Variants in ZBTB46 observed in about 807,000 individuals in gnomAD.
The protein encoded by ZBTB46 is zinc finger and BTB domain-containing protein 46.
Under a neutral mutation model 44.1 loss-of-function variants are expected in ZBTB46, and 8 were observed. The ratio of observed to expected loss-of-function variants is 0.18; its 90% CI spans 0.11 to 0.33. The LOEUF (loss-of-function observed/expected upper bound fraction) is 0.33. Ranked by LOEUF, ZBTB46 falls within the 10% of genes least tolerant of loss-of-function variation. ZBTB46 has a pLI of 1.00. For missense variants in ZBTB46, 651 were observed against 847.7 expected (o/e 0.77, Z 2.88); for synonymous variants, 409 against 382.3 (o/e 1.07, Z -0.81).
At chr20:63,830,462 C>A (rs1250414629) in intron 1 of ZBTB46, among the ~76,000 whole-genome samples, 1 of 150,786 alleles carries the variant, frequency 6.6e-6, no homozygotes, top group Admixed American at 6.6e-5. Context: ...CGCCCCGGTT[C>A]GGCCGGCGAT....
intron 3 of ZBTB46, among the ~76,000 whole-genome samples, chr20:63,770,486 GTTTAA>G (rs1442189680): frequency 3.3e-5 from 5 of 152,190 alleles, no homozygotes; most frequent in African/African-American, 9.7e-5. Context: ...ACTGCCATCT[GTTTAA>G]TTTAACAGCC....
At chr20:63,750,134 G>C (rs184473065) in intron 4 of ZBTB46, among the ~76,000 whole-genome samples, 1 of 152,318 alleles carries the variant, frequency 6.6e-6, no homozygotes, top group African/African-American at 2.4e-5. Context: ...AGGCTGGACC[G>C]GCTAGAGCTG....
chr20:63,827,350 G>A (rs1050007137), intron 1 of ZBTB46, among the ~76,000 whole-genome samples: 1 of 152,170 alleles, frequency 6.6e-6, no homozygotes, highest in African/African-American at 2.4e-5. Flanking sequence ...GCTCACGCCT[G>A]TAATCCCAGC....
Position 63,747,060 on chromosome 20 carries a change from T to A in ZBTB46, c.1640A>T (p.Glu547Val), listed in dbSNP as rs2092098023. The change falls in exon 5 of 5, where the codon GAG (glutamate) becomes GTG (valine). Residue 547 changes from glutamate to valine, a missense_variant. Glu to Val is a moderately radical substitution (Grantham distance 121). This residue lies in a region of ZBTB46 where 106 missense variants were observed against 81.0 expected (regional missense o/e 1.31). Coordinates refer to ENST00000245663, the MANE Select transcript of ZBTB46 (RefSeq NM_001369741.1). Reference sequence around the variant, plus strand: ...CAGGCCCTCGTCGTCCTCGCCCAGCTCCTCCGCCTCCCCTCGTGGGTCCTC... The same window carrying A: ...CAGGCCCTCGTCGTCCTCGCCCAGCACCTCCGCCTCCCCTCGTGGGTCCTC... ...DPEDPRGEAE[E>V]LGEDDEGLAP... 6.2e-7 allele frequency: 1 copy of A among 1,608,590 alleles called. No homozygotes were observed. The highest frequency in any genetic ancestry group is 1.7e-5 in the Admixed American group (1 of 59,972).
rs1037405135 is a variant in ZBTB46, at chr20:63,765,935, G to A, written c.1222+9743C>T. ...GTTAACCAAACTCTTTCAGCAAAATGGTACGGAGAGAATCTCTACAACCAG... is the reference window on the plus strand; with the variant it reads ...GTTAACCAAACTCTTTCAGCAAAATAGTACGGAGAGAATCTCTACAACCAG... On this transcript the variant is annotated intron_variant, in intron 3 of 4. Coordinates refer to ENST00000245663, the MANE Select transcript of ZBTB46 (RefSeq NM_001369741.1). 2.0e-5 allele frequency among the ~76,000 whole-genome samples: 3 copies of A among 152,126 alleles called. No homozygotes were observed. In the East Asian group the frequency reaches 5.8e-4, roughly 29 times the overall value.
chr20:63,765,231 G>A (rs997650349), intron 3 of ZBTB46, among the ~76,000 whole-genome samples: 11 of 151,994 alleles, frequency 7.2e-5, no homozygotes, highest in African/African-American at 1.4e-4. Flanking sequence ...TCAAGTCCCG[G>A]CTCCTCTGGC....
In ZBTB46 at chr20:63,766,014, C is replaced by T. The variant is rs147702987; in HGVS notation, c.1222+9664G>A. 3.3e-3 allele frequency among the ~76,000 whole-genome samples: 506 copies of T among 152,134 alleles called. 2 individuals are homozygous for T. Among genetic ancestry groups the T allele is most frequent in the African/African-American group, 0.012 (483 of 41,488 alleles). Reference sequence around the variant, plus strand: ...TCTCCCCGCTGGGCCCACCTGCTGCCCACCCTGGAGAGCAAAAGGCAAAGC... The same window carrying T: ...TCTCCCCGCTGGGCCCACCTGCTGCTCACCCTGGAGAGCAAAAGGCAAAGC... On this transcript the variant is annotated intron_variant, in intron 3 of 4. Coordinates refer to ENST00000245663, the MANE Select transcript of ZBTB46 (RefSeq NM_001369741.1).
At chr20:63,782,197 A>ACCCCTGAG (rs71333714) in intron 2 of ZBTB46, among the ~76,000 whole-genome samples, 1 of 150,872 alleles carries the variant, frequency 6.6e-6, no homozygotes, top group African/African-American at 2.4e-5. Context: ...CCAGGCTGCA[A>ACCCCTGAG]CCCCCGAGCC....
chr20:63,758,898 A>AT (rs1394580013), intron 3 of ZBTB46, among the ~76,000 whole-genome samples: 16 of 76,308 alleles, frequency 2.1e-4, no homozygotes, highest in African/African-American at 8.7e-4. Flanking sequence ...CGCCCGGCTA[A>AT]TTTTTTTGAA....
At chr20:63,830,075 C>G (rs1371595289) in intron 1 of ZBTB46, among the ~76,000 whole-genome samples, 1 of 152,214 alleles carries the variant, frequency 6.6e-6, no homozygotes, top group African/African-American at 2.4e-5. Context: ...AAATTCGCTG[C>G]GAATCTCAAA....
intron 3 of ZBTB46, among the ~76,000 whole-genome samples, chr20:63,771,628 C>T (rs572767435): frequency 6.6e-6 from 1 of 152,266 alleles, no homozygotes; most frequent in Admixed American, 6.5e-5. Flanking sequence ...CCGGACCCCA[C>T]CTTCAGATCA....
chr20:63,783,536 C>G (rs941409763), intron 2 of ZBTB46, among the ~76,000 whole-genome samples: 4 of 152,234 alleles, frequency 2.6e-5, no homozygotes, highest in Non-Finnish European at 5.9e-5. Flanking sequence ...GTGTTATTGT[C>G]TCTGTCCCCG....
chr20:63,793,831 TTATA>T (rs2092580252), intron 1 of ZBTB46, among the ~76,000 whole-genome samples: 1 of 152,006 alleles, frequency 6.6e-6, no homozygotes, highest in Non-Finnish European at 1.5e-5. Flanking sequence ...TTAAAATCAG[TTATA>T]TACTCAGAGA....
At chr20:63,772,532 A>G (rs1179508745) in intron 3 of ZBTB46, among the ~76,000 whole-genome samples, 1 of 151,842 alleles carries the variant, frequency 6.6e-6, no homozygotes, top group African/African-American at 2.4e-5. Context: ...CAGCCTGGCC[A>G]ACATGGTGAA....
intron 1 of ZBTB46, among the ~76,000 whole-genome samples, chr20:63,812,871 G>A (rs971824358): frequency 2.6e-5 from 4 of 152,070 alleles, no homozygotes; most frequent in Non-Finnish European, 5.9e-5. Context: ...CAAGGCAGGT[G>A]GATCATGAGG....
intron 4 of ZBTB46, among the ~76,000 whole-genome samples, chr20:63,751,188 A>G (rs1221323117): frequency 7.4e-6 from 1 of 135,938 alleles, no homozygotes; most frequent in Non-Finnish European, 1.5e-5. Context: ...GCCTGTGTGA[A>G]CAGAAGCACA....
rs1054140288 is a variant in ZBTB46 at position 63,828,305 on chromosome 20, C to T, written c.-34+2792G>A. On this transcript the variant is annotated intron_variant, in intron 1 of 4. Transcript: ENST00000245663. The stretch of plus-strand genomic sequence containing the variant: ...AGCACTCCGCACAAGTTCACAGCTA[C>T]GCCGCAGCCGCGGCAGACGGCAAGA... Among the ~76,000 whole-genome samples, 4 of 152,372 alleles carry T rather than the reference C, an allele frequency of 2.6e-5. No individual in the cohort carries two copies. In the East Asian group the frequency reaches 7.7e-4, roughly 29 times the overall value.
intron 2 of ZBTB46, among the ~76,000 whole-genome samples, chr20:63,786,659 G>C (rs147310510): frequency 0.026 from 3,941 of 152,032 alleles, 80 homozygotes; most frequent in Non-Finnish European, 0.042. Flanking sequence ...CTACAGGCGC[G>C]CACCACCACG....
chr20:63,816,802 TAAAAGA>T (rs1279614283), intron 1 of ZBTB46, among the ~76,000 whole-genome samples: 1 of 151,972 alleles, frequency 6.6e-6, no homozygotes, highest in Non-Finnish European at 1.5e-5. Context: ...CCAGCTTCCT[TAAAAGA>T]AAAGGAAAAG....
Sources: gnomAD v4.1 joint callset for allele counts (sites outside exome capture counted in the v4.1 genomes callset) on GRCh38, gnomAD v4.1.1 for gene constraint, gnomAD v4.1.1 regional missense constraint, MANE v1.5 for transcripts, NCBI Gene and HGNC (gene_info 2026-07-23, HGNC 2026-07-21) for gene names.